Variants in ATP6V0D1 observed in about 807,000 individuals in gnomAD.
ATP6V0D1 encodes the protein V-type proton ATPase subunit d 1.
ATP6V0D1 carries 13 observed loss-of-function variants against 39.0 expected under a neutral mutation model. The ratio of observed to expected loss-of-function variants is 0.33; its 90% CI spans 0.22 to 0.53. ATP6V0D1 has a LOEUF of 0.53. Among genes scored for constraint, ATP6V0D1 ranks in the 20% least tolerant of loss-of-function variants. The pLI is 0.94. For synonymous variants in ATP6V0D1, 191 were observed against 191.2 expected (o/e 1.00, Z 0.01); for missense variants, 272 against 470.9 (o/e 0.58, Z 3.91).
In ATP6V0D1 at chr16:67,444,467, C is replaced by T. The variant is rs1323249046; in HGVS notation, c.481+61G>A. ...CGCCCCCCAGCGGGTCCACAAACCC[C>T]ACCCTGATGCGCTGATGCTGACACC... On this transcript the variant is annotated intron_variant, in intron 3 of 7. Coordinates refer to ENST00000290949, the MANE Select transcript of ATP6V0D1 (RefSeq NM_004691.5). This position sits in a 1 kb window ranked among gnomAD's most constrained non-coding sequence, Gnocchi z 4.8. The T allele has an allele frequency of 1.3e-6, 2 of 1,519,344 alleles. No individual in the cohort carries two copies. The highest frequency in any genetic ancestry group is 1.4e-5 in the African/African-American group (1 of 72,590). The allele number at this position is 1,519,344 out of a possible 1,614,324, so 94.1% of individuals were successfully genotyped here.
intron 4 of ATP6V0D1, 48 bp from the exon 5 acceptor site, chr16:67,439,399 G>A (rs1477529953): frequency 1.3e-6 from 2 of 1,578,576 alleles, no homozygotes; most frequent in Non-Finnish European, 1.7e-6. Context: ...AAGCTCTGGA[G>A]GGCTTGCTAG....
chr16:67,453,123 C>T lies in ATP6V0D1; in HGVS notation c.302+421G>A, dbSNP rs770162167. 1.1e-4 allele frequency among the ~76,000 whole-genome samples: 16 copies of T among 152,224 alleles called. No homozygotes were observed. Among genetic ancestry groups the T allele is most frequent in the Non-Finnish European group, 2.4e-4 (16 of 68,036 alleles). ...CTCTGTCCATCCCGACACCTGACCC[C>T]TCGCATGGGGAGTGGGGCCTGGTGA... On this transcript the variant is annotated intron_variant, in intron 2 of 7. Coordinates refer to ENST00000290949, the MANE Select transcript of ATP6V0D1 (RefSeq NM_004691.5). The surrounding 1 kb of genome is among the most constrained non-coding windows in gnomAD (Gnocchi z 4.1).
chr16:67,448,984 G>A (rs1022709267), intron 2 of ATP6V0D1, among the ~76,000 whole-genome samples: 22 of 152,356 alleles, frequency 1.4e-4, no homozygotes, highest in African/African-American at 5.1e-4. Flanking sequence ...AGGGGAGTGG[G>A]GGCCAGAGGA....
chr16:67,466,320 AAC>A (rs1175974861), intron 1 of ATP6V0D1, among the ~76,000 whole-genome samples: 24 of 116,256 alleles, frequency 2.1e-4, no homozygotes, highest in Non-Finnish European at 3.5e-4. Flanking sequence ...GTATCTAGTA[AAC>A]ACATACACAC....
chr16:67,478,022 AC>A (rs986669209), intron 1 of ATP6V0D1, among the ~76,000 whole-genome samples: 6 of 152,236 alleles, frequency 3.9e-5, no homozygotes, highest in African/African-American at 1.2e-4. Context: ...GGGTACAGGT[AC>A]AAACAATACT....
chr16:67,469,752 A>T (rs901397129), intron 1 of ATP6V0D1, among the ~76,000 whole-genome samples: 2 of 152,196 alleles, frequency 1.3e-5, no homozygotes, highest in African/African-American at 4.8e-5. Context: ...TTTTCCTTAA[A>T]TATCTTTATT....
At chr16:67,440,959 C>T (rs954706869) in intron 4 of ATP6V0D1, 1 of 152,320 alleles carries the variant, frequency 6.6e-6, no homozygotes, top group African/African-American at 2.4e-5. Flanking sequence ...CCAGCCACCT[C>T]CTTCCCTGTG....
At chr16:67,478,790 G>C (rs771473856) in intron 1 of ATP6V0D1, among the ~76,000 whole-genome samples, 2 of 152,082 alleles carry the variant, frequency 1.3e-5, no homozygotes, top group African/African-American at 4.8e-5. Context: ...GGCCTAACAT[G>C]TTCATGGGGG....
intron 1 of ATP6V0D1, among the ~76,000 whole-genome samples, chr16:67,465,417 A>G (rs1416874751): frequency 6.6e-6 from 1 of 152,206 alleles, no homozygotes; most frequent in Non-Finnish European, 1.5e-5. Context: ...TCTGTCCTGA[A>G]GACAAATTTT....
intron 1 of ATP6V0D1, among the ~76,000 whole-genome samples, chr16:67,470,733 A>C (rs755279263): frequency 3.1e-4 from 42 of 135,628 alleles, no homozygotes; most frequent in East Asian, 4.2e-4. Flanking sequence ...TTCCCCTCCC[A>C]CCCCCCAATC....
intron 1 of ATP6V0D1, among the ~76,000 whole-genome samples, chr16:67,467,006 A>G (rs893333961): frequency 6.6e-6 from 1 of 152,146 alleles, no homozygotes; most frequent in Admixed American, 6.5e-5. Flanking sequence ...TCTCCCTCTC[A>G]GCCAGACCCT....
At chr16:67,470,269 T>C (rs1250280181) in intron 1 of ATP6V0D1, among the ~76,000 whole-genome samples, 1 of 151,800 alleles carries the variant, frequency 6.6e-6, no homozygotes, top group African/African-American at 2.4e-5. Context: ...GGTGACAATG[T>C]ATACCCCTTG....
chr16:67,473,524 G>C (rs946480907), intron 1 of ATP6V0D1, among the ~76,000 whole-genome samples: 11 of 151,294 alleles, frequency 7.3e-5, no homozygotes, highest in Non-Finnish European at 1.3e-4. Context: ...AATTTTTTGT[G>C]GTTTTGTTTG....
At chr16:67,463,463 C>A (rs2041305140) in intron 1 of ATP6V0D1, among the ~76,000 whole-genome samples, 1 of 151,178 alleles carries the variant, frequency 6.6e-6, no homozygotes. Flanking sequence ...CCCAGGAGGT[C>A]AAGACTGCAG....
intron 1 of ATP6V0D1, among the ~76,000 whole-genome samples, chr16:67,469,308 A>AAAAT (rs542165715): frequency 1.4e-3 from 207 of 152,224 alleles, no homozygotes; most frequent in African/African-American, 2.7e-3. Context: ...ACTCCTTCTC[A>AAAAT]AAATAAATAA....
intron 1 of ATP6V0D1, among the ~76,000 whole-genome samples, chr16:67,468,734 A>C (rs1219274603): frequency 1.3e-5 from 2 of 152,210 alleles, no homozygotes; most frequent in African/African-American, 4.8e-5. Flanking sequence ...TCTGCCATCA[A>C]GAAACCCTAG....
At chr16:67,463,331 G>A (rs935237586) in intron 1 of ATP6V0D1, among the ~76,000 whole-genome samples, 1 of 152,120 alleles carries the variant, frequency 6.6e-6, no homozygotes, top group Non-Finnish European at 1.5e-5. Flanking sequence ...AGAAGCTCAA[G>A]ACCAGCCTGA....
rs192240518 is a variant in ATP6V0D1, at chr16:67,446,562, C to T, written c.303-1856G>A. Among the ~76,000 whole-genome samples the T allele has an allele frequency of 5.1e-3, 773 of 152,236 alleles. 4 individuals carry two copies. Among genetic ancestry groups the T allele is most frequent in the Non-Finnish European group, 9.2e-3 (623 of 68,012 alleles). On this transcript the variant is annotated intron_variant, in intron 2 of 7. Transcript: ENST00000290949. ...TGGCAGAGTGAGGGACCTCAGAGCT[C>T]GCCAGAGCTTTGGGCCATGGTCTGC...
chr16:67,477,675 GT>G (rs201598029), intron 1 of ATP6V0D1, among the ~76,000 whole-genome samples: 12,301 of 147,752 alleles, frequency 0.083, 1,618 homozygotes, highest in African/African-American at 0.28. Context: ...ATAATAAACA[GT>G]TTTTTTTTTT....
Sources: allele counts gnomAD v4.1 joint callset (sites outside exome capture counted in the v4.1 genomes callset), GRCh38; gene constraint gnomAD v4.1.1; non-coding constraint Gnocchi (gnomAD v3.1); transcripts MANE v1.5; gene names NCBI Gene and HGNC (gene_info 2026-07-23, HGNC 2026-07-21).